Variants in WWTR1 observed in about 807,000 individuals in gnomAD.
WWTR1 encodes the protein WW domain containing transcription regulator 1.
In WWTR1, 13 loss-of-function variants were observed where a neutral mutation model predicts 40.1. That is an observed-to-expected ratio of 0.32 (90% CI 0.21 to 0.52). The LOEUF (loss-of-function observed/expected upper bound fraction) is 0.52. Ranked by LOEUF, WWTR1 falls within the 20% of genes least tolerant of loss-of-function variation. WWTR1 has a pLI of 0.97. For missense variants in WWTR1, 436 were observed against 523.1 expected, an observed-to-expected ratio of 0.83 and a Z score of 1.63; for synonymous variants, 230 against 210.1, an observed-to-expected ratio of 1.09 and a Z score of -0.82.
At chr3:149,684,401 C>G (rs774466257) in intron 1 of WWTR1, among the ~76,000 whole-genome samples, 1 of 152,216 alleles carries the variant, frequency 6.6e-6, no homozygotes, top group East Asian at 1.9e-4. Flanking sequence ...GAAGGAAACT[C>G]TTTATAAATA....
chr3:149,563,649 C>T (rs1237799765), intron 3 of WWTR1, among the ~76,000 whole-genome samples: 3 of 152,242 alleles, frequency 2.0e-5, no homozygotes, highest in Non-Finnish European at 4.4e-5. Flanking sequence ...AAGTCCTTTT[C>T]AGATAAATTA....
chr3:149,695,214 G>C (rs1172826542), intron 1 of WWTR1, among the ~76,000 whole-genome samples: 1 of 152,098 alleles, frequency 6.6e-6, no homozygotes, highest in African/African-American at 2.4e-5. Context: ...CAAAAATATA[G>C]GTAGATAGAA....
At chr3:149,523,895 T>C (rs1391658671) in intron 6 of WWTR1, among the ~76,000 whole-genome samples, 2 of 152,254 alleles carry the variant, frequency 1.3e-5, no homozygotes, top group Non-Finnish European at 2.9e-5. Flanking sequence ...CTCAATGAGC[T>C]GACTCTAACT....
intron 2 of WWTR1, among the ~76,000 whole-genome samples, chr3:149,640,023 AAAG>A (rs1712072060): frequency 6.6e-6 from 1 of 150,790 alleles, no homozygotes; most frequent in South Asian, 2.1e-4. Context: ...AGAAAGAAAG[AAAG>A]AAAGAAAGAA....
chr3:149,592,477 A>G (rs1353844051), intron 2 of WWTR1, among the ~76,000 whole-genome samples: 1 of 152,206 alleles, frequency 6.6e-6, no homozygotes, highest in Non-Finnish European at 1.5e-5. Context: ...CACTGAATAA[A>G]TGTAAGTACA....
chr3:149,555,815 CTG>C (rs1339500633), intron 3 of WWTR1, among the ~76,000 whole-genome samples: 41 of 152,258 alleles, frequency 2.7e-4, no homozygotes, highest in African/African-American at 9.6e-4. Flanking sequence ...GGTCCCTGCC[CTG>C]TAGGAGATTA....
intron 2 of WWTR1, among the ~76,000 whole-genome samples, chr3:149,632,553 T>C (rs1321091711): frequency 6.6e-6 from 1 of 152,156 alleles, no homozygotes; most frequent in African/African-American, 2.4e-5. Context: ...TTTAAAGCAG[T>C]AGAGGGAAAC....
At chr3:149,525,988 A>G in intron 6 of WWTR1, 25 bp downstream of exon 6, 1 of 1,426,598 alleles carries the variant, frequency 7.0e-7, no homozygotes, top group East Asian at 2.4e-5. Context: ...AACCCATTGT[A>G]AGTGCTTGCA....
At chr3:149,536,193 T>C (rs979723003) in intron 4 of WWTR1, among the ~76,000 whole-genome samples, 3 of 152,174 alleles carry the variant, frequency 2.0e-5, no homozygotes, top group Non-Finnish European at 4.4e-5. Context: ...TTCACAGCTG[T>C]ACTTTTAATG....
chr3:149,668,405 G>A (rs1713922884), intron 2 of WWTR1, among the ~76,000 whole-genome samples: 3 of 152,004 alleles, frequency 2.0e-5, no homozygotes, highest in Admixed American at 1.3e-4. Flanking sequence ...TCAGGAGTTT[G>A]AGACCAGCCT....
intron 2 of WWTR1, among the ~76,000 whole-genome samples, chr3:149,574,308 G>A (rs1303329720): frequency 6.6e-6 from 1 of 152,186 alleles, no homozygotes; most frequent in Non-Finnish European, 1.5e-5. Flanking sequence ...CCAAAGTGCT[G>A]GGATTACAGG....
intron 5 of WWTR1, among the ~76,000 whole-genome samples, chr3:149,526,594 T>C (rs776603182): frequency 5.3e-5 from 8 of 152,190 alleles, no homozygotes; most frequent in Non-Finnish European, 1.2e-4. Flanking sequence ...ATATTAATTG[T>C]AATATTTTAT....
At chr3:149,559,976 G>A (rs1737015254) in intron 3 of WWTR1, among the ~76,000 whole-genome samples, 1 of 152,168 alleles carries the variant, frequency 6.6e-6, no homozygotes, top group Non-Finnish European at 1.5e-5. Context: ...CTGCCCCTGA[G>A]GACCAGACAC....
chr3:149,578,166 ACTCT>A (rs1737977398), intron 2 of WWTR1, among the ~76,000 whole-genome samples: 2 of 151,986 alleles, frequency 1.3e-5, no homozygotes, highest in Admixed American at 6.6e-5. Context: ...CTACTGCCAG[ACTCT>A]GTGGGCTCTG....
At chr3:149,555,748 G>A (rs1457127351) in intron 3 of WWTR1, among the ~76,000 whole-genome samples, 3 of 152,196 alleles carry the variant, frequency 2.0e-5, no homozygotes, top group African/African-American at 7.2e-5. Context: ...GGTTCACCTA[G>A]CTATTCATTT....
intron 4 of WWTR1, among the ~76,000 whole-genome samples, chr3:149,534,472 A>G (rs1308257612): frequency 6.6e-6 from 1 of 152,230 alleles, no homozygotes; most frequent in Non-Finnish European, 1.5e-5. Flanking sequence ...TTCAGAGGAA[A>G]TTTAATGAAA....
intron 1 of WWTR1, chr3:149,669,964 A>G (rs1308548254): frequency 1.3e-5 from 2 of 152,274 alleles, no homozygotes; most frequent in South Asian, 2.1e-4. Context: ...ACGTCTGTCA[A>G]TAGTGAAGGA....
chr3:149,681,820 C>A (rs1171170856), intron 1 of WWTR1, among the ~76,000 whole-genome samples: 1 of 152,074 alleles, frequency 6.6e-6, no homozygotes. Flanking sequence ...AAGCCAGCCA[C>A]AGAAGGACAA....
intron 2 of WWTR1, among the ~76,000 whole-genome samples, chr3:149,663,745 G>T (rs1384563302): frequency 6.6e-6 from 1 of 152,094 alleles, no homozygotes; most frequent in Non-Finnish European, 1.5e-5. Context: ...ACAATTCCTT[G>T]TTGAGAGCAT....
Sources: gnomAD v4.1 joint callset for allele counts (sites outside exome capture counted in the v4.1 genomes callset) on GRCh38, gnomAD v4.1.1 for gene constraint, MANE v1.5 for transcripts, NCBI Gene and HGNC (gene_info 2026-07-23, HGNC 2026-07-21) for gene names.